Variants in PFDN1 observed in about 807,000 individuals in gnomAD.
PFDN1 encodes the protein prefoldin subunit 1.
Under a neutral mutation model 17.3 loss-of-function variants are expected in PFDN1, and 6 were observed. The ratio of observed to expected loss-of-function variants is 0.35; its 90% confidence interval spans 0.19 to 0.69. The LOEUF is 0.69. Among genes scored for constraint, PFDN1 ranks in the 30% least tolerant of loss-of-function variants. The probability of loss-of-function intolerance (pLI) is 0.65; values close to 1 mark genes in which losing one functional copy is unlikely to be tolerated. For missense variants in PFDN1, 113 were observed against 146.2 expected, an observed-to-expected ratio of 0.77 and a Z score of 1.17; for synonymous variants, 58 against 50.1, an observed-to-expected ratio of 1.16 and a Z score of -0.67.
chr5:140,273,896 T>C, intron 3 of PFDN1: 1 of 984,986 alleles, frequency 1.0e-6, no homozygotes, highest in Non-Finnish European at 1.2e-6. Flanking sequence ...AGACTTTAGG[T>C]TGAAGGCTGA....
chr5:140,261,980 C>T (rs1255359699), intron 3 of PFDN1, among the ~76,000 whole-genome samples: 1 of 152,098 alleles, frequency 6.6e-6, no homozygotes, highest in Non-Finnish European at 1.5e-5. Context: ...TCCACACCCA[C>T]TAAGTTACCA....
chr5:140,294,793 C>A (rs1028452914), intron 2 of PFDN1, among the ~76,000 whole-genome samples: 1 of 151,768 alleles, frequency 6.6e-6, no homozygotes, highest in Admixed American at 6.6e-5. Context: ...ATCTTTCAAC[C>A]GTTAGAGATC....
chr5:140,289,097 G>A (rs1765542580), intron 2 of PFDN1, among the ~76,000 whole-genome samples: 1 of 152,032 alleles, frequency 6.6e-6, no homozygotes. Flanking sequence ...ACCAGCATGG[G>A]CAACATGACA....
chr5:140,287,347 AAC>A (rs1222113444), intron 2 of PFDN1, among the ~76,000 whole-genome samples: 1 of 152,254 alleles, frequency 6.6e-6, no homozygotes, highest in Non-Finnish European at 1.5e-5. Flanking sequence ...TACAGTGATG[AAC>A]AGACACAGAA....
At position 140,245,151 on chromosome 5, in the gene PFDN1, C is replaced by G. The variant is rs1198861226; in HGVS notation, c.*823G>C. 3.6e-6 allele frequency: 1 copy of G among 280,006 alleles called. No individual in the cohort carries two copies. The highest frequency in any genetic ancestry group is 6.6e-5 in the South Asian group (1 of 15,194). 17.3% of individuals were successfully genotyped at this position (280,006 alleles called of 1,614,324 possible). On this transcript the variant is annotated 3_prime_UTR_variant, in exon 4 of 4. Transcript: ENST00000261813. The stretch of plus-strand genomic sequence containing the variant: ...TAATTATAATGGCTGTGTTTGACAA[C>G]TGGCTTGCAACAAAATTCTTGAAAA...
chr5:140,271,521 A>C (rs906032381), intron 3 of PFDN1, among the ~76,000 whole-genome samples: 1 of 152,178 alleles, frequency 6.6e-6, no homozygotes, highest in Non-Finnish European at 1.5e-5. Flanking sequence ...GTGTCTAGCT[A>C]TCTAGCTACT....
At chr5:140,272,981 A>C (rs1162808037) in intron 3 of PFDN1, among the ~76,000 whole-genome samples, 1 of 152,176 alleles carries the variant, frequency 6.6e-6, no homozygotes, top group East Asian at 1.9e-4. Context: ...AATGTTTTAA[A>C]AACATTCTAT....
chr5:140,258,827 G>T (rs572172210), intron 3 of PFDN1, among the ~76,000 whole-genome samples: 1 of 152,298 alleles, frequency 6.6e-6, no homozygotes, highest in South Asian at 2.1e-4. Flanking sequence ...AGGTACCTGT[G>T]AGACATCCAA....
chr5:140,287,842 ACAT>A (rs1353666414), intron 2 of PFDN1, among the ~76,000 whole-genome samples: 1 of 152,252 alleles, frequency 6.6e-6, no homozygotes, highest in African/African-American at 2.4e-5. Context: ...AAGATATTCA[ACAT>A]CATATGTTAT....
chr5:140,255,735 C>G (rs1247091198), intron 3 of PFDN1, among the ~76,000 whole-genome samples: 1 of 152,080 alleles, frequency 6.6e-6, no homozygotes, highest in Admixed American at 6.5e-5. Flanking sequence ...TACCATTAAC[C>G]TTCCTTTCTT....
At chr5:140,289,325 A>G (rs1161070872) in intron 2 of PFDN1, among the ~76,000 whole-genome samples, 1 of 152,162 alleles carries the variant, frequency 6.6e-6, no homozygotes, top group East Asian at 1.9e-4. Context: ...AAGCAGAATT[A>G]TTTGAGCAAC....
chr5:140,277,007 G>A (rs527863958), intron 3 of PFDN1, among the ~76,000 whole-genome samples: 34 of 151,808 alleles, frequency 2.2e-4, no homozygotes, highest in Non-Finnish European at 4.4e-4. Context: ...ATCACCCGAG[G>A]TCAGGAGTTC....
intron 2 of PFDN1, among the ~76,000 whole-genome samples, chr5:140,286,566 A>G (rs1765494239): frequency 7.8e-6 from 1 of 128,210 alleles, no homozygotes; most frequent in Non-Finnish European, 1.6e-5. Flanking sequence ...TGCTCGAAAA[A>G]TGTTTCCTCT....
intron 3 of PFDN1, among the ~76,000 whole-genome samples, chr5:140,256,159 G>A (rs775231382): frequency 6.6e-6 from 1 of 152,054 alleles, no homozygotes; most frequent in African/African-American, 2.4e-5. Context: ...TCCGAATGCT[G>A]CATTTCCCAA....
intron 2 of PFDN1, among the ~76,000 whole-genome samples, chr5:140,298,400 G>C (rs1455041711): frequency 6.6e-6 from 1 of 151,546 alleles, no homozygotes; most frequent in Non-Finnish European, 1.5e-5. Context: ...CAAATCTGAA[G>C]TAATGGTCTA....
At chr5:140,294,869 C>T (rs1017498400) in intron 2 of PFDN1, among the ~76,000 whole-genome samples, 2 of 151,888 alleles carry the variant, frequency 1.3e-5, no homozygotes, top group African/African-American at 4.8e-5. Context: ...TTTTGCATTG[C>T]TAGACACTTA....
At chr5:140,284,566 G>A (rs964448780) in intron 2 of PFDN1, among the ~76,000 whole-genome samples, 2 of 152,218 alleles carry the variant, frequency 1.3e-5, no homozygotes, top group Non-Finnish European at 2.9e-5. Flanking sequence ...CAAATATTAT[G>A]TACACAGTTG....
chr5:140,280,151 C>G (rs544175182), intron 3 of PFDN1, among the ~76,000 whole-genome samples: 2 of 151,852 alleles, frequency 1.3e-5, no homozygotes, highest in African/African-American at 4.8e-5. Context: ...TATTCATACA[C>G]AAATGTTTGT....
intron 3 of PFDN1, among the ~76,000 whole-genome samples, chr5:140,268,643 T>C (rs554458907): frequency 3.3e-4 from 50 of 152,196 alleles, no homozygotes; most frequent in Non-Finnish European, 6.2e-4. Context: ...AGACTCCATC[T>C]CAACAACAAC....
Sources: gnomAD v4.1 joint callset for allele counts (sites outside exome capture counted in the v4.1 genomes callset) on GRCh38, gnomAD v4.1.1 for gene constraint, MANE v1.5 for transcripts, NCBI Gene and HGNC (gene_info 2026-07-23, HGNC 2026-07-21) for gene names.